Variants in KCNQ3 observed in about 807,000 individuals in gnomAD.
KCNQ3 encodes potassium voltage-gated channel subfamily Q member 3.
A neutral mutation model predicts 92.5 loss-of-function variants in KCNQ3; 30 were observed. The observed-to-expected ratio is 0.32, with a 90% confidence interval of 0.24 to 0.44. KCNQ3 has a LOEUF of 0.44. Ranked by LOEUF, KCNQ3 falls within the 20% of genes least tolerant of loss-of-function variation. The pLI, the probability that KCNQ3 is intolerant of heterozygous loss-of-function variation, is 1.00. For missense variants in KCNQ3, 913 were observed against 1,140.3 expected, an observed-to-expected ratio of 0.80 and a Z score of 2.87; for synonymous variants, 450 against 468.8, an observed-to-expected ratio of 0.96 and a Z score of 0.52.
chr8:132,278,145 T>C (rs1486936137), intron 1 of KCNQ3: 1 of 985,202 alleles, frequency 1.0e-6, no homozygotes, highest in East Asian at 1.1e-4. Context: ...GAATCCCCAT[T>C]TTGTACTCTG....
At chr8:132,219,826 A>T (rs1259153241) in intron 1 of KCNQ3, among the ~76,000 whole-genome samples, 4 of 152,164 alleles carry the variant, frequency 2.6e-5, no homozygotes. Context: ...CAAGCTTTAA[A>T]AGAAAATACA....
At chr8:132,425,121 GC>G (rs1421853341) in intron 1 of KCNQ3, among the ~76,000 whole-genome samples, 1 of 152,142 alleles carries the variant, frequency 6.6e-6, no homozygotes, top group Non-Finnish European at 1.5e-5. Flanking sequence ...AGTTACATCA[GC>G]CCACACAGTG....
At chr8:132,283,597 C>A (rs1216895023) in intron 1 of KCNQ3, among the ~76,000 whole-genome samples, 1 of 152,194 alleles carries the variant, frequency 6.6e-6, no homozygotes, top group African/African-American at 2.4e-5. Flanking sequence ...CAGGCTGCTG[C>A]CTCCATGAAC....
At chr8:132,173,423 G>A (rs1826447188) in intron 6 of KCNQ3, among the ~76,000 whole-genome samples, 1 of 152,118 alleles carries the variant, frequency 6.6e-6, no homozygotes, top group South Asian at 2.1e-4. Flanking sequence ...GGAAGTGGGT[G>A]GCAGGGAGAT....
chr8:132,335,207 A>G (rs1818335519), intron 1 of KCNQ3, among the ~76,000 whole-genome samples: 1 of 151,788 alleles, frequency 6.6e-6, no homozygotes. Flanking sequence ...TGCCCAGCTA[A>G]TTTTTGTATT....
chr8:132,438,378 G>A (rs1249585607), intron 1 of KCNQ3, among the ~76,000 whole-genome samples: 1 of 152,008 alleles, frequency 6.6e-6, no homozygotes, highest in East Asian at 1.9e-4. Flanking sequence ...TAAGGTCTCT[G>A]CCCCGATCCC....
rs117682952 is a variant in KCNQ3 at position 132,237,627 on chromosome 8, C to T, written c.387-51446G>A. ...AAGAAACTCAGGCTGGCAGCACCCA[C>T]GAGGGCAGTCCAGGATATTGCAGCA... is the stretch of plus-strand genomic sequence containing the variant. On this transcript the variant is annotated intron_variant, in intron 1 of 14. Coordinates refer to ENST00000388996, the MANE Select transcript of KCNQ3 (RefSeq NM_004519.4). Among the ~76,000 whole-genome samples the T allele has an allele frequency of 3.3e-3, 502 of 152,168 alleles. 11 individuals are homozygous for T. Among genetic ancestry groups the T allele is most frequent in the Admixed American group, 0.023 (357 of 15,290 alleles).
chr8:132,186,059 C>T, intron 2 of KCNQ3, 32 bp downstream of exon 2: 1 of 1,551,494 alleles, frequency 6.4e-7, no homozygotes, highest in Non-Finnish European at 8.9e-7. Context: ...GGAAGCCCAA[C>T]CAGAAGCATT....
rs1353647504 is a variant in KCNQ3 at position 132,124,448 on chromosome 8, C to T, written c.*4814G>A. Reference sequence around the variant, plus strand: ...GTCTCACTTGAAAATCAAAACACGGCAGAAGAGTCAAATGCTTTTGAATGT... The same window carrying T: ...GTCTCACTTGAAAATCAAAACACGGTAGAAGAGTCAAATGCTTTTGAATGT... On this transcript the variant is annotated 3_prime_UTR_variant, in exon 15 of 15. Coordinates refer to ENST00000388996, the MANE Select transcript of KCNQ3 (RefSeq NM_004519.4). 2.6e-5 allele frequency: 4 copies of T among 152,174 alleles called. No homozygotes were observed. Among genetic ancestry groups the T allele is most frequent in the Non-Finnish European group, 5.9e-5 (4 of 68,038 alleles). 9.4% of individuals were successfully genotyped at this position (152,174 alleles called of 1,614,324 possible).
intron 12 of KCNQ3, 139 bp from the exon 13 acceptor site, chr8:132,134,527 G>A (rs1825008206): frequency 1.5e-6 from 1 of 650,552 alleles, no homozygotes; most frequent in African/African-American, 1.8e-5. Flanking sequence ...GAAGTGAGGA[G>A]AGGAGAGGGG....
At chr8:132,207,717 T>A (rs746186429) in intron 1 of KCNQ3, among the ~76,000 whole-genome samples, 127 of 151,438 alleles carry the variant, frequency 8.4e-4, no homozygotes, top group Non-Finnish European at 1.4e-3. Flanking sequence ...TTTTTTTTTT[T>A]ATCCCATTAG....
At chr8:132,397,216 C>A (rs1586984912) in intron 1 of KCNQ3, among the ~76,000 whole-genome samples, 1 of 152,230 alleles carries the variant, frequency 6.6e-6, no homozygotes, top group East Asian at 1.9e-4. Flanking sequence ...CTGAGTCAGG[C>A]CCTCTGTGCC....
rs34058327 is a variant in KCNQ3 at position 132,259,766 on chromosome 8, T to TA, written c.387-73586dup. ...ATACAAATAATCTCAAGGAAGTCAC[T>TA]AAAAAACTATTAGAACTAATAAAAC... is the stretch of plus-strand genomic sequence containing the variant. On this transcript the variant is annotated intron_variant, in intron 1 of 14. Coordinates refer to ENST00000388996, the MANE Select transcript of KCNQ3 (RefSeq NM_004519.4). 4.0e-3 allele frequency among the ~76,000 whole-genome samples: 610 copies of TA among 152,184 alleles called. 17 individuals are homozygous for TA. Among genetic ancestry groups the TA allele is most frequent in the Admixed American group, 0.036 (555 of 15,282 alleles).
chr8:132,140,574 G>A (rs958601755), intron 10 of KCNQ3: 2 of 241,978 alleles, frequency 8.3e-6, no homozygotes, highest in African/African-American at 4.5e-5. Context: ...TGGTGACCTT[G>A]GAGAAGTCAC....
intron 9 of KCNQ3, among the ~76,000 whole-genome samples, chr8:132,159,403 C>G (rs1825915856): frequency 6.6e-6 from 1 of 152,080 alleles, no homozygotes; most frequent in South Asian, 2.1e-4. Context: ...TACACCACAC[C>G]CACTCACTCT....
intron 1 of KCNQ3, among the ~76,000 whole-genome samples, chr8:132,241,460 C>T (rs1203383743): frequency 6.6e-6 from 1 of 151,980 alleles, no homozygotes; most frequent in Non-Finnish European, 1.5e-5. Flanking sequence ...TGCAATGGTG[C>T]GGTATCGGCT....
Position 132,315,969 on chromosome 8 carries a change from C to T in KCNQ3, c.387-129788G>A, listed in dbSNP as rs114587083. On this transcript the variant is annotated intron_variant, in intron 1 of 14. Transcript: ENST00000388996. ...GTCTTAAAATAGCCTGAATATAGCG[C>T]AATGAATATTTTTGAGAAGTCTGTA... Among the ~76,000 whole-genome samples the T allele has an allele frequency of 8.6e-3, 1,311 of 152,086 alleles. 24 individuals are homozygous for T. Among genetic ancestry groups the T allele is most frequent in the African/African-American group, 0.029 (1,206 of 41,514 alleles).
intron 1 of KCNQ3, among the ~76,000 whole-genome samples, chr8:132,210,589 G>A (rs1813819674): frequency 6.6e-6 from 1 of 152,142 alleles, no homozygotes; most frequent in South Asian, 2.1e-4. Context: ...GCTTATCTAG[G>A]TCTCCTATTT....
chr8:132,221,439 A>C (rs989772546), intron 1 of KCNQ3, among the ~76,000 whole-genome samples: 1 of 152,226 alleles, frequency 6.6e-6, no homozygotes, highest in African/African-American at 2.4e-5. Context: ...CCAACAGTGT[A>C]AAAGTGTTCC....
Sources: allele counts gnomAD v4.1 joint callset (sites outside exome capture counted in the v4.1 genomes callset), GRCh38; gene constraint gnomAD v4.1.1; transcripts MANE v1.5; gene names NCBI Gene and HGNC (gene_info 2026-07-23, HGNC 2026-07-21).